The following HPSE2 variants were observed in gnomAD, a reference collection of about 807,000 sequenced individuals.
HPSE2 encodes the protein inactive heparanase-2.
HPSE2 carries 38 observed loss-of-function variants against 60.5 expected under a neutral mutation model. The observed-to-expected ratio is 0.63, with a 90% confidence interval of 0.48 to 0.82. The LOEUF (loss-of-function observed/expected upper bound fraction) is 0.82. Among genes scored for constraint, HPSE2 ranks in the 40% least tolerant of loss-of-function variants. HPSE2 has a pLI of 0.00. For missense variants in HPSE2, 713 were observed against 740.4 expected, an observed-to-expected ratio of 0.96 and a Z score of 0.43; for synonymous variants, 295 against 293.2, an observed-to-expected ratio of 1.01 and a Z score of -0.06.
chr10:99,283,310 A>G, the HPSE2 span, among the ~76,000 whole-genome samples: 1 of 151,872 alleles, frequency 6.6e-6, no homozygotes, highest in Non-Finnish European at 1.5e-5. Flanking sequence ...AAAATAATAA[A>G]TATTAGAGAT....
chr10:98,486,773 T>C (rs1238039071), intron 10 of HPSE2, among the ~76,000 whole-genome samples: 3 of 152,330 alleles, frequency 2.0e-5, no homozygotes, highest in Admixed American at 1.3e-4. Context: ...TGTCTCCAAA[T>C]CTAATTCAAA....
At chr10:98,820,096 C>A (rs565485704) in intron 3 of HPSE2, among the ~76,000 whole-genome samples, 1 of 152,040 alleles carries the variant, frequency 6.6e-6, no homozygotes, top group Non-Finnish European at 1.5e-5. Context: ...TTTGTCTTCA[C>A]GTAGGAAAGT....
intron 3 of HPSE2, among the ~76,000 whole-genome samples, chr10:99,140,312 A>C (rs1417827364): frequency 6.6e-6 from 1 of 152,224 alleles, no homozygotes; most frequent in Non-Finnish European, 1.5e-5. Context: ...CAAAAATGGC[A>C]GCCAACACAT....
intron 3 of HPSE2, among the ~76,000 whole-genome samples, chr10:98,823,648 TAGAG>T (rs1032209035): frequency 3.3e-5 from 5 of 151,810 alleles, no homozygotes; most frequent in African/African-American, 9.7e-5. Context: ...AATAGATAGA[TAGAG>T]ATAGATAATG....
chr10:98,811,031 C>A (rs1159033688), intron 3 of HPSE2, among the ~76,000 whole-genome samples: 1 of 152,032 alleles, frequency 6.6e-6, no homozygotes, highest in African/African-American at 2.4e-5. Context: ...CTGTATAACC[C>A]AGCCTTTGCC....
chr10:98,530,699 C>A (rs982334534), intron 9 of HPSE2, among the ~76,000 whole-genome samples: 1 of 152,140 alleles, frequency 6.6e-6, no homozygotes. Context: ...AGGATTGCAG[C>A]CCCCACCCTG....
intron 9 of HPSE2, among the ~76,000 whole-genome samples, chr10:98,554,550 G>A (rs1484003781): frequency 2.0e-5 from 3 of 152,120 alleles, no homozygotes; most frequent in Non-Finnish European, 4.4e-5. Context: ...TCTTGTCTCA[G>A]TATTCCTTAC....
intron 3 of HPSE2, among the ~76,000 whole-genome samples, chr10:99,010,506 A>G (rs1291608089): frequency 6.6e-6 from 1 of 152,204 alleles, no homozygotes; most frequent in Non-Finnish European, 1.5e-5. Flanking sequence ...GGCAGTATAT[A>G]GATAAAGATA....
intron 2 of HPSE2, among the ~76,000 whole-genome samples, chr10:99,221,758 AC>A (rs1849320796): frequency 6.6e-6 from 1 of 152,144 alleles, no homozygotes; most frequent in Non-Finnish European, 1.5e-5. Flanking sequence ...AACAAGCTAT[AC>A]CATCTGCTTG....
chr10:98,879,203 A>T (rs918863571), intron 3 of HPSE2, among the ~76,000 whole-genome samples: 4 of 152,040 alleles, frequency 2.6e-5, no homozygotes, highest in African/African-American at 9.7e-5. Context: ...TGTAAATGGT[A>T]TAGAAGTCAT....
chr10:99,132,123 AGAAAGAAAG>A (rs1391998002), intron 3 of HPSE2, among the ~76,000 whole-genome samples: 2 of 141,648 alleles, frequency 1.4e-5, no homozygotes, highest in African/African-American at 5.2e-5. Context: ...AAAAAAGAAA[AGAAAGAAAG>A]GAAAGAAAGA....
intron 9 of HPSE2, among the ~76,000 whole-genome samples, chr10:98,511,358 G>T (rs911064434): frequency 6.6e-6 from 1 of 152,060 alleles, no homozygotes; most frequent in African/African-American, 2.4e-5. Flanking sequence ...CACCGTGTTA[G>T]CCAGGATGGT....
chr10:99,070,174 T>C (rs1250430211), intron 3 of HPSE2, among the ~76,000 whole-genome samples: 1 of 152,306 alleles, frequency 6.6e-6, no homozygotes, highest in South Asian at 2.1e-4. Context: ...ATTCACAGAA[T>C]GAAAAGACAA....
intron 9 of HPSE2, among the ~76,000 whole-genome samples, chr10:98,521,925 T>A (rs1008523277): frequency 6.6e-6 from 1 of 152,014 alleles, no homozygotes. Context: ...TAGGTGGGAA[T>A]TGAACAATGA....
intron 4 of HPSE2, among the ~76,000 whole-genome samples, chr10:98,723,053 G>C (rs1282432420): frequency 2.6e-5 from 4 of 152,194 alleles, no homozygotes; most frequent in African/African-American, 7.2e-5. Context: ...AGTTTTCAAA[G>C]GGAATGCTTC....
intron 3 of HPSE2, among the ~76,000 whole-genome samples, chr10:98,831,913 T>C (rs1951692293): frequency 6.6e-6 from 1 of 152,244 alleles, no homozygotes; most frequent in African/African-American, 2.4e-5. Context: ...GCTTAGTTTT[T>C]GACAGGCGAG....
chr10:98,864,459 A>G (rs183891723), intron 3 of HPSE2, among the ~76,000 whole-genome samples: 6 of 152,330 alleles, frequency 3.9e-5, no homozygotes, highest in Non-Finnish European at 7.4e-5. Context: ...TATTGCTTCT[A>G]TTGAGAATAT....
At chr10:98,806,897 A>G (rs1951054422) in intron 3 of HPSE2, among the ~76,000 whole-genome samples, 1 of 152,220 alleles carries the variant, frequency 6.6e-6, no homozygotes, top group Non-Finnish European at 1.5e-5. Flanking sequence ...TAATCCCAGC[A>G]CTTTGGGAGG....
At chr10:98,968,994 A>T (rs1955882533) in intron 3 of HPSE2, among the ~76,000 whole-genome samples, 1 of 152,226 alleles carries the variant, frequency 6.6e-6, no homozygotes, top group Non-Finnish European at 1.5e-5. Flanking sequence ...CTATTGAAAT[A>T]AAAAACATAA....
Sources: allele counts gnomAD v4.1 joint callset (sites outside exome capture counted in the v4.1 genomes callset), GRCh38; gene constraint gnomAD v4.1.1; transcripts MANE v1.5; gene names NCBI Gene and HGNC (gene_info 2026-07-23, HGNC 2026-07-21).